SYT12: variants seen among roughly 807,000 people sequenced by gnomAD.
SYT12 encodes the protein synaptotagmin-12.
In SYT12, 27 loss-of-function variants were observed where a neutral mutation model predicts 39.5. The observed-to-expected ratio is 0.68, with a 90% CI of 0.50 to 0.94. The LOEUF (loss-of-function observed/expected upper bound fraction) is 0.94. Ranked by LOEUF, SYT12 falls within the 40% of genes least tolerant of loss-of-function variation. The pLI is 0.00. For synonymous variants in SYT12, 233 were observed against 239.7 expected, an observed-to-expected ratio of 0.97 and a Z score of 0.26; for missense variants, 536 against 572.6, an observed-to-expected ratio of 0.94 and a Z score of 0.65.
At chr11:67,036,826 C>G (rs1164344684) in intron 3 of SYT12, among the ~76,000 whole-genome samples, 1 of 152,148 alleles carries the variant, frequency 6.6e-6, no homozygotes, top group East Asian at 1.9e-4. Flanking sequence ...GTAATCCCAG[C>G]ACTTTGAGAG....
chr11:67,019,037 T>G (rs867711356), upstream of SYT12, among the ~76,000 whole-genome samples: 2 of 152,062 alleles, frequency 1.3e-5, no homozygotes, highest in African/African-American at 4.8e-5. Flanking sequence ...CTGGGCAATT[T>G]ATAAAGAAAG....
At position 67,007,988 on chromosome 11, in the gene SYT12, C is replaced by T. The variant is rs572289366; in HGVS notation, c.-485+533C>T. ...TTTTTTTTTAAGACAGAGTCTCGCT[C>T]TGTCACCCAGGCTGGAGTGCAATGG... On this transcript the variant is annotated intron_variant, in intron 1 of 10. Transcript: ENST00000393946. 2.2e-3 allele frequency among the ~76,000 whole-genome samples: 320 copies of T among 145,588 alleles called. 1 individual carries two copies. Among genetic ancestry groups the T allele is most frequent in the African/African-American group, 7.7e-3 (305 of 39,390 alleles).
intron 1 of SYT12, among the ~76,000 whole-genome samples, chr11:67,026,247 C>T (rs1355112357): frequency 1.3e-5 from 2 of 151,990 alleles, no homozygotes; most frequent in Non-Finnish European, 2.9e-5. Context: ...CCATTGTCCC[C>T]ATATCTTCTA....
intron 3 of SYT12, among the ~76,000 whole-genome samples, chr11:67,037,549 A>AAAATAAATAAATAAAT (rs34631289): frequency 1.1e-3 from 157 of 145,870 alleles, no homozygotes; most frequent in African/African-American, 3.7e-3. Context: ...CATCTCTACC[A>AAAATAAATAAATAAAT]AAATAAATAA....
chr11:67,045,910 G>A, intron 7 of SYT12, 33 bp downstream of exon 7: 1 of 1,612,664 alleles, frequency 6.2e-7, no homozygotes, highest in Non-Finnish European at 8.5e-7. Context: ...AAGGGGCCAG[G>A]TCACCCCAGG....
intron 1 of SYT12, among the ~76,000 whole-genome samples, chr11:67,023,893 A>G (rs190293528): frequency 5.5e-4 from 83 of 152,270 alleles, no homozygotes; most frequent in Middle Eastern, 3.4e-3. Context: ...AACCGTCCCA[A>G]TCTGGAGGGG....
At chr11:67,017,216 CCT>C (rs778905777) in intron 3 of SYT12, among the ~76,000 whole-genome samples, 2 of 152,106 alleles carry the variant, frequency 1.3e-5, no homozygotes, top group Non-Finnish European at 1.5e-5. Flanking sequence ...TTAGGCTGAG[CCT>C]CTCTAAAAGT....
At chr11:67,032,169 A>AT (rs1161359970) in intron 2 of SYT12, 1 of 152,028 alleles carries the variant, frequency 6.6e-6, no homozygotes, top group Non-Finnish European at 1.5e-5. Context: ...TTGGGGATTC[A>AT]TTTTTTTCCT....
Position 67,045,773 on chromosome 11 carries a change from GA to G in SYT12, c.989del (p.Asp330ValfsTer5). 1 of 1,613,964 alleles carries G rather than the reference GA, an allele frequency of 6.2e-7. No individual in the cohort carries two copies. The highest frequency in any genetic ancestry group is 8.5e-7 in the Non-Finnish European group (1 of 1,179,984). On this transcript the variant is annotated frameshift_variant, in exon 7 of 8. Coordinates refer to ENST00000527043, the MANE Select transcript of SYT12 (RefSeq NM_177963.4). LOFTEE classifies it high-confidence loss of function. ...CTTCGTCAAGGTGTACCTGCTGCAG[GA>G]TGGGAGGAAGATGAGCAAAAAGAAG... ...DPFVKVYLLQDGRKMSKKKTA... is the reference protein window; with the variant it reads ...DPFVKVYLLQXGRKMSKKKTA...
At chr11:67,010,751 C>G (rs1032734876) in intron 2 of SYT12, 2 of 152,290 alleles carry the variant, frequency 1.3e-5, no homozygotes, top group African/African-American at 4.8e-5. Context: ...TCCTGTGGTT[C>G]TTCTGGTTGT....
chr11:67,044,746 G>A (rs764141328), intron 6 of SYT12, 33 bp downstream of exon 6: 30 of 1,611,424 alleles, frequency 1.9e-5, no homozygotes, highest in African/African-American at 2.7e-5. Context: ...GCTCCTCCAC[G>A]TAGCTCAGTG....
Position 67,023,371 on chromosome 11 carries a change from G to A in SYT12, c.-113G>A, listed in dbSNP as rs974299156. 1 of 149,002 alleles carries A rather than the reference G, an allele frequency of 6.7e-6. No homozygotes were observed. The highest frequency in any genetic ancestry group is 1.5e-5 in the Non-Finnish European group (1 of 66,784). 9.2% of individuals were successfully genotyped at this position (149,002 alleles called of 1,614,324 possible). On this transcript the variant is annotated 5_prime_UTR_variant, in exon 1 of 8. Transcript: ENST00000527043. ...CTGCAGGGGTGGCGTTGCCGCCGGC[G>A]GCCGGGCTAGGCGCAGGTGCGTGCG...
chr11:67,009,555 G>C (rs376839502), intron 1 of SYT12, among the ~76,000 whole-genome samples: 2 of 152,102 alleles, frequency 1.3e-5, no homozygotes, highest in African/African-American at 4.8e-5. Flanking sequence ...GCCTCCGAAA[G>C]TGCTGGGATT....
In SYT12 at chr11:67,007,310, G is replaced by A. The variant is rs147825617; in HGVS notation, c.-630G>A. The A allele has an allele frequency of 3.3e-5, 5 of 152,360 alleles. No individual in the cohort carries two copies. The East Asian group carries it at 7.7e-4, about 24-fold the overall frequency. The allele number at this position is 152,360 out of a possible 1,614,324, so 9.4% of individuals were successfully genotyped here. A position where few individuals can be genotyped will look rare whatever the true frequency, so the allele number is the denominator to read the frequency against. The stretch of plus-strand genomic sequence containing the variant: ...CTGAGGAACTCTCATGCCCTGCGTC[G>A]GGCTCGTGGGCGAAGGGCCTTCCCA... On this transcript the variant is annotated 5_prime_UTR_variant, in exon 1 of 11. Transcript: ENST00000393946.
At position 67,050,570 on chromosome 11, in the gene SYT12, G is replaced by T. The variant is rs1854719895; in HGVS notation, c.*1813G>T. ...GTCTACCCTATGGCCACAGCAGGAG[G>T]TCAGCCCAGGGCCAGGAGACACATG... is the stretch of plus-strand genomic sequence containing the variant. On this transcript the variant is annotated 3_prime_UTR_variant, in exon 8 of 8. Transcript: ENST00000527043. 1 of 152,550 alleles carries T rather than the reference G, an allele frequency of 6.6e-6. No individual in the cohort carries two copies. Among genetic ancestry groups the T allele is most frequent in the Non-Finnish European group, 1.5e-5 (1 of 68,306 alleles). 9.4% of individuals were successfully genotyped at this position (152,550 alleles called of 1,614,324 possible).
In SYT12 at chr11:67,043,707, GA is replaced by G. The variant is rs1338992975; in HGVS notation, c.692del (p.Glu231GlyfsTer26). The G allele has an allele frequency of 6.2e-7, 1 of 1,614,148 alleles. No individual in the cohort carries two copies. Among genetic ancestry groups the G allele is most frequent in the Admixed American group, 1.7e-5 (1 of 60,030 alleles). On this transcript the variant is annotated frameshift_variant, in exon 5 of 8. Coordinates refer to ENST00000527043, the MANE Select transcript of SYT12 (RefSeq NM_177963.4). LOFTEE classifies it high-confidence loss of function. ...FSIPLDPTAL[E>X]EKSLRFSVFG... ...CATCCCCCTGGATCCCACAGCCCTG[GA>G]GGAGAAGAGCCTGCGGTTTTCTGTA...
rs183117652 is a variant in SYT12, at chr11:67,016,818, C to A, written c.-68-5051C>A. On this transcript the variant is annotated intron_variant, in intron 3 of 10. Transcript: ENST00000393946. The stretch of plus-strand genomic sequence containing the variant: ...AGAAGCCAGCACTGCCCCAGAGGAA[C>A]CTTCAGCTCTGCCTGGGAGCTCAGG... 2.7e-4 allele frequency among the ~76,000 whole-genome samples: 41 copies of A among 152,228 alleles called. No individual in the cohort carries two copies. In the South Asian group the frequency reaches 5.4e-3, roughly 20 times the overall value.
chr11:67,028,778 C>T (rs1046341280), intron 1 of SYT12: 2 of 152,210 alleles, frequency 1.3e-5, no homozygotes, highest in African/African-American at 2.4e-5. Flanking sequence ...GGAAATGGCA[C>T]ATAAAAAATT....
Position 67,036,475 on chromosome 11 carries a change from G to C in SYT12, c.228+1637G>C, listed in dbSNP as rs544358245. Among the ~76,000 whole-genome samples, 78 of 152,296 alleles carry C rather than the reference G, an allele frequency of 5.1e-4. 1 individual carries two copies. In the South Asian group the frequency reaches 0.014, roughly 27 times the overall value. On this transcript the variant is annotated intron_variant, in intron 3 of 7. Transcript: ENST00000527043. ...ATTCTTAGGGCTCTCACTATACCTT[G>C]CTGAAAGTTTTATCATTTAACACAT... is the stretch of plus-strand genomic sequence containing the variant.
Sources: allele counts gnomAD v4.1 joint callset (sites outside exome capture counted in the v4.1 genomes callset), GRCh38; gene constraint gnomAD v4.1.1; transcripts MANE v1.5; gene names NCBI Gene and HGNC (gene_info 2026-07-23, HGNC 2026-07-21).